Variants in RGS21 observed in about 807,000 individuals in gnomAD.
RGS21 encodes the protein regulator of G protein signaling 21, also known as regulator of G-protein signalling 21.
Under a neutral mutation model 18.7 loss-of-function variants are expected in RGS21, and 19 were observed. The ratio of observed to expected loss-of-function variants is 1.01; its 90% CI spans 0.71 to 1.49. RGS21 has a LOEUF of 1.49. RGS21 is among the 40% of genes most tolerant of loss of function. RGS21 has a pLI of 0.00. For synonymous variants in RGS21, 56 were observed against 57.8 expected (o/e 0.97, Z 0.14); for missense variants, 194 against 176.8 (o/e 1.10, Z -0.55).
At chr1:192,342,247 A>G (rs1035096485) in intron 1 of RGS21, among the ~76,000 whole-genome samples, 3 of 152,090 alleles carry the variant, frequency 2.0e-5, no homozygotes, top group African/African-American at 4.8e-5. Flanking sequence ...ACTGTATTAC[A>G]TTGAGATAAA....
intron 1 of RGS21, among the ~76,000 whole-genome samples, chr1:192,342,259 G>A (rs538535733): frequency 6.6e-6 from 1 of 152,016 alleles, no homozygotes; most frequent in Non-Finnish European, 1.5e-5. Flanking sequence ...TGAGATAAAA[G>A]CTTGACAAAG....
At position 192,365,995 on chromosome 1, in the gene RGS21, G is replaced by A; in HGVS notation, c.330G>A (p.Glu110=). ...AACCAACACTCAAATGCTTTGATGA[G>A]GCTCAGAAATTAATCTATTGTCTCA... The part of the protein sequence containing the change: ...IAEPTLKCFD[E]AQKLIYCLMA... Residue 110 remains glutamate, a synonymous_variant, in exon 5 of 5, where the codon GAG becomes GAA. Coordinates refer to ENST00000417209, the MANE Select transcript of RGS21 (RefSeq NM_001039152.3). 2 of 1,610,380 alleles carry A rather than the reference G, an allele frequency of 1.2e-6. No individual in the cohort carries two copies. The highest frequency in any genetic ancestry group is 1.7e-6 in the Non-Finnish European group (2 of 1,177,088).
At chr1:192,327,007 G>A (rs1161989224) in intron 1 of RGS21, among the ~76,000 whole-genome samples, 1 of 152,060 alleles carries the variant, frequency 6.6e-6, no homozygotes, top group Admixed American at 6.6e-5. Flanking sequence ...TCCACTTTAT[G>A]TTCTAATAAA....
intron 2 of RGS21, among the ~76,000 whole-genome samples, chr1:192,344,405 T>C (rs11805712): frequency 0.11 from 17,261 of 152,110 alleles, 1,130 homozygotes; most frequent in Non-Finnish European, 0.15. Context: ...AATATTGCAC[T>C]ACTTATTTGT....
chr1:192,327,189 A>G (rs1341693701), intron 1 of RGS21, among the ~76,000 whole-genome samples: 4 of 152,156 alleles, frequency 2.6e-5, no homozygotes, highest in African/African-American at 9.7e-5. Context: ...GACCTTAATA[A>G]AGAGGTGGAT....
chr1:192,337,394 T>C (rs1049576706), intron 1 of RGS21, among the ~76,000 whole-genome samples: 55 of 151,892 alleles, frequency 3.6e-4, no homozygotes, highest in Admixed American at 6.6e-4. Flanking sequence ...AAAAAATAAC[T>C]TTTTTATTTT....
chr1:192,344,618 C>A, intron 2 of RGS21, among the ~76,000 whole-genome samples: 1 of 152,064 alleles, frequency 6.6e-6, no homozygotes, highest in Non-Finnish European at 1.5e-5. Flanking sequence ...CACAGAATTA[C>A]AAGAAACTCC....
At chr1:192,354,776 A>G (rs983731619) in intron 4 of RGS21, among the ~76,000 whole-genome samples, 1 of 151,740 alleles carries the variant, frequency 6.6e-6, no homozygotes, top group African/African-American at 2.4e-5. Flanking sequence ...CATATTACTC[A>G]TATGCCTATT....
intron 1 of RGS21, among the ~76,000 whole-genome samples, chr1:192,323,607 G>T (rs1658525758): frequency 6.6e-6 from 1 of 152,012 alleles, no homozygotes; most frequent in Admixed American, 6.6e-5. Context: ...AGTTATAGAA[G>T]GAGACATGTG....
rs769536769 is a variant in RGS21, at chr1:192,326,762, C to G, written c.-61+9657C>G. ...CTGTTTTCAAACACAATATTCTTCC[C>G]AAACTTTGGAAGTAGCATCTTTATG... is the stretch of plus-strand genomic sequence containing the variant. On this transcript the variant is annotated intron_variant, in intron 1 of 4. Coordinates refer to ENST00000417209, the MANE Select transcript of RGS21 (RefSeq NM_001039152.3). Among the ~76,000 whole-genome samples, 196 of 152,218 alleles carry G rather than the reference C, an allele frequency of 1.3e-3. 3 individuals are homozygous for G. Among genetic ancestry groups the G allele is most frequent in the Admixed American group, 7.9e-4 (12 of 15,270 alleles).
intron 4 of RGS21, among the ~76,000 whole-genome samples, chr1:192,359,246 CAGTAAAT>C (rs796632829): frequency 6.6e-6 from 1 of 152,020 alleles, no homozygotes; most frequent in South Asian, 2.1e-4. Flanking sequence ...CTATTTATGT[CAGTAAAT>C]AAAATACATG....
At chr1:192,337,113 A>C (rs1658778493) in intron 1 of RGS21, among the ~76,000 whole-genome samples, 1 of 152,080 alleles carries the variant, frequency 6.6e-6, no homozygotes, top group Non-Finnish European at 1.5e-5. Flanking sequence ...TATACTTAAA[A>C]TGTATTTGGA....
In RGS21 at chr1:192,342,989, T is replaced by A. The variant is rs1228416840; in HGVS notation, c.-48T>A. 2.5e-6 allele frequency: 4 copies of A among 1,603,676 alleles called. No individual in the cohort carries two copies. The Admixed American group carries it at 6.7e-5, about 27-fold the overall frequency. ...ACATTACCTTCAGCTTGAAGATCAG[T>A]CAGAAAGAGAAACTCGGCATCATCT... On this transcript the variant is annotated 5_prime_UTR_variant, in exon 2 of 5. Transcript: ENST00000417209.
Position 192,327,466 on chromosome 1 carries a change from T to A in RGS21, c.-61+10361T>A, listed in dbSNP as rs544927318. On this transcript the variant is annotated intron_variant, in intron 1 of 4. Transcript: ENST00000417209. ...TGCATTTTAAAACATTCTTTTTTTT[T>A]AATTTTTTTATTTATTTATTTTTGA... Among the ~76,000 whole-genome samples, 660 of 152,156 alleles carry A rather than the reference T, an allele frequency of 4.3e-3. 7 individuals carry two copies. The highest frequency in any genetic ancestry group is 0.015 in the African/African-American group (607 of 41,498).
At position 192,319,512 on chromosome 1, in the gene RGS21, G is replaced by A. The variant is rs999046421; in HGVS notation, c.-61+2407G>A. On this transcript the variant is annotated intron_variant, in intron 1 of 4. Coordinates refer to ENST00000417209, the MANE Select transcript of RGS21 (RefSeq NM_001039152.3). ...ATGTATGCAATTTTCCAAAATGAGA[G>A]AAATACCTGAGTAATCAAGCAACCT... is the stretch of plus-strand genomic sequence containing the variant. 5.3e-5 allele frequency among the ~76,000 whole-genome samples: 8 copies of A among 152,088 alleles called. No individual in the cohort carries two copies. In the East Asian group the frequency reaches 1.5e-3, roughly 29 times the overall value.
chr1:192,357,030 C>T (rs1276455440), intron 4 of RGS21, among the ~76,000 whole-genome samples: 1 of 151,656 alleles, frequency 6.6e-6, no homozygotes, highest in Non-Finnish European at 1.5e-5. Flanking sequence ...TAGAAAGACA[C>T]CAGATAAAAA....
At chr1:192,354,564 A>C (rs1328043274) in intron 4 of RGS21, among the ~76,000 whole-genome samples, 1 of 151,774 alleles carries the variant, frequency 6.6e-6, no homozygotes, top group Admixed American at 6.6e-5. Flanking sequence ...CTCAGTAGGC[A>C]GACTTGACAA....
At chr1:192,340,614 A>G (rs1350725452) in intron 1 of RGS21, among the ~76,000 whole-genome samples, 2 of 152,112 alleles carry the variant, frequency 1.3e-5, no homozygotes, top group African/African-American at 4.8e-5. Context: ...TACATTTATT[A>G]TCTCAGAGTC....
chr1:192,352,254 G>A (rs1180797282), intron 4 of RGS21, 41 bp downstream of exon 4: 18 of 1,436,006 alleles, frequency 1.3e-5, no homozygotes, highest in Non-Finnish European at 1.7e-5. Context: ...TCATCCTGTA[G>A]CAGATCTGCT....
Sources: allele counts gnomAD v4.1 joint callset (sites outside exome capture counted in the v4.1 genomes callset), GRCh38; gene constraint gnomAD v4.1.1; transcripts MANE v1.5; gene names NCBI Gene and HGNC (gene_info 2026-07-23, HGNC 2026-07-21).